The following HPSE2 variants were observed in gnomAD, a reference collection of about 807,000 sequenced individuals.
HPSE2 encodes the protein heparanase 2 (inactive).
Under a neutral mutation model 60.5 loss-of-function variants are expected in HPSE2, and 38 were observed. The ratio of observed to expected loss-of-function variants is 0.63; its 90% confidence interval spans 0.48 to 0.82. The LOEUF (loss-of-function observed/expected upper bound fraction) is 0.82, where lower values mean the gene tolerates loss of function less well. Ranked by LOEUF, HPSE2 falls within the 40% of genes least tolerant of loss-of-function variation. The probability of loss-of-function intolerance (pLI) is 0.00; values close to 1 mark genes in which losing one functional copy is unlikely to be tolerated. For synonymous variants in HPSE2, 295 were observed against 293.2 expected, an observed-to-expected ratio of 1.01 and a Z score of -0.06; for missense variants, 713 against 740.4, an observed-to-expected ratio of 0.96 and a Z score of 0.43.
intron 9 of HPSE2, among the ~76,000 whole-genome samples, chr10:98,584,834 A>G (rs1944896260): frequency 6.6e-6 from 1 of 152,152 alleles, no homozygotes; most frequent in South Asian, 2.1e-4. Flanking sequence ...TTGACAGTGG[A>G]TATTTGTGAA....
At chr10:98,952,838 C>T (rs1420931517) in intron 3 of HPSE2, among the ~76,000 whole-genome samples, 1 of 152,210 alleles carries the variant, frequency 6.6e-6, no homozygotes, top group African/African-American at 2.4e-5. Context: ...GCCACCAATC[C>T]TATTGGAATA....
At chr10:98,971,797 G>C (rs1955960549) in intron 3 of HPSE2, among the ~76,000 whole-genome samples, 1 of 152,008 alleles carries the variant, frequency 6.6e-6, no homozygotes. Context: ...AATTCCCGTG[G>C]GGGCATAAAC....
At chr10:98,548,482 T>C (rs750568165) in intron 9 of HPSE2, among the ~76,000 whole-genome samples, 1 of 152,076 alleles carries the variant, frequency 6.6e-6, no homozygotes. Flanking sequence ...CTGGGCGTAG[T>C]GGTGTGCACT....
intron 8 of HPSE2, among the ~76,000 whole-genome samples, chr10:98,620,126 C>T (rs1946032671): frequency 6.6e-6 from 1 of 152,222 alleles, no homozygotes; most frequent in African/African-American, 2.4e-5. Flanking sequence ...GCACTTCAGA[C>T]AGCGGTAAGC....
chr10:98,629,174 G>A (rs72831950), intron 7 of HPSE2, among the ~76,000 whole-genome samples: 1 of 152,186 alleles, frequency 6.6e-6, no homozygotes, highest in African/African-American at 2.4e-5. Flanking sequence ...CAGGAATAGC[G>A]GACAGGCCAG....
chr10:98,887,293 GA>G (rs1165399616), intron 3 of HPSE2, among the ~76,000 whole-genome samples: 1 of 152,030 alleles, frequency 6.6e-6, no homozygotes, highest in African/African-American at 2.4e-5. Flanking sequence ...CTGCAGTGGG[GA>G]AAAAGATAAT....
intron 6 of HPSE2, among the ~76,000 whole-genome samples, chr10:98,646,622 C>G (rs1309286195): frequency 2.0e-5 from 3 of 152,172 alleles, no homozygotes; most frequent in Non-Finnish European, 4.4e-5. Context: ...CAGGTCATAT[C>G]AAGCATATCT....
intron 9 of HPSE2, among the ~76,000 whole-genome samples, chr10:98,514,667 T>C (rs1942531592): frequency 6.6e-6 from 1 of 151,644 alleles, no homozygotes; most frequent in Admixed American, 6.6e-5. Flanking sequence ...TCACAGCATC[T>C]GGATTTTCTT....
intron 6 of HPSE2, among the ~76,000 whole-genome samples, chr10:98,652,414 C>A (rs1222417134): frequency 1.3e-5 from 2 of 152,122 alleles, no homozygotes; most frequent in Non-Finnish European, 2.9e-5. Context: ...CCACATATAC[C>A]CTTTCAGCCA....
chr10:98,731,855 A>G lies in HPSE2; in HGVS notation c.785-10027T>C, dbSNP rs1247987595. Among the ~76,000 whole-genome samples, 5 of 152,326 alleles carry G rather than the reference A, an allele frequency of 3.3e-5. No homozygotes were observed. In the South Asian group the frequency reaches 1.0e-3, roughly 32 times the overall value. Reference sequence around the variant, plus strand: ...AAAACTGTTATTATTCTCAGACAATATGATCCTACATACAGAAAATCCTAA... The same window carrying G: ...AAAACTGTTATTATTCTCAGACAATGTGATCCTACATACAGAAAATCCTAA... On this transcript the variant is annotated intron_variant, in intron 4 of 11. Transcript: ENST00000370552.
At chr10:99,132,191 A>AAGAG (rs781059893) in intron 3 of HPSE2, among the ~76,000 whole-genome samples, 5 of 71,900 alleles carry the variant, frequency 7.0e-5, no homozygotes, top group African/African-American at 2.6e-4. Flanking sequence ...GAAAGAAAGA[A>AAGAG]AGAGAGAGAG....
chr10:99,190,073 T>C lies in HPSE2; in HGVS notation c.448+42275A>G, dbSNP rs192405894. 2.9e-3 allele frequency among the ~76,000 whole-genome samples: 439 copies of C among 152,362 alleles called. 2 individuals are homozygous for C. Among genetic ancestry groups the C allele is most frequent in the Admixed American group, 5.4e-3 (82 of 15,296 alleles). ...AGTACTGAGTCCTTTCTGTCACAAA[T>C]CACTTTATGGGGCAACCATGTAGTG... On this transcript the variant is annotated intron_variant, in intron 2 of 11. Transcript: ENST00000370552.
At chr10:99,136,836 A>G (rs940670937) in intron 3 of HPSE2, among the ~76,000 whole-genome samples, 6 of 152,196 alleles carry the variant, frequency 3.9e-5, no homozygotes, top group African/African-American at 1.4e-4. Context: ...AGCGAAAGAC[A>G]AGGAAGCCCT....
intron 3 of HPSE2, among the ~76,000 whole-genome samples, chr10:98,852,113 A>ATATATATG (rs779720749): frequency 0.016 from 1,476 of 91,636 alleles, 24 homozygotes; most frequent in African/African-American, 0.052. Context: ...GTATATTATG[A>ATATATATG]TGTGTGTGTG....
At chr10:98,753,869 A>G (rs552266491) in intron 3 of HPSE2, among the ~76,000 whole-genome samples, 34 of 152,346 alleles carry the variant, frequency 2.2e-4, no homozygotes, top group African/African-American at 7.9e-4. Flanking sequence ...AATGACAGTA[A>G]CTTCAAAATT....
intron 6 of HPSE2, among the ~76,000 whole-genome samples, chr10:98,667,457 C>A (rs1331256823): frequency 6.6e-6 from 1 of 152,148 alleles, no homozygotes; most frequent in Non-Finnish European, 1.5e-5. Flanking sequence ...ATACCAAAAT[C>A]TGGCAGAGAC....
chr10:99,148,744 C>T lies in HPSE2; in HGVS notation c.449-4345G>A, dbSNP rs145167057. ...GGCAGAAGCTGCAGTGAGCCAAGATCGCGCCATTGCACTCCAGCCCGGGCA... is the reference window on the plus strand; with the variant it reads ...GGCAGAAGCTGCAGTGAGCCAAGATTGCGCCATTGCACTCCAGCCCGGGCA... On this transcript the variant is annotated intron_variant, in intron 2 of 11. Coordinates refer to ENST00000370552, the MANE Select transcript of HPSE2 (RefSeq NM_021828.5). Among the ~76,000 whole-genome samples the T allele has an allele frequency of 3.3e-4, 50 of 152,154 alleles. 2 individuals carry two copies. The East Asian group carries it at 9.7e-3, about 29-fold the overall frequency.
chr10:98,588,020 C>T (rs576844021), intron 9 of HPSE2, among the ~76,000 whole-genome samples: 3 of 152,308 alleles, frequency 2.0e-5, no homozygotes, highest in African/African-American at 7.2e-5. Context: ...GAATTGAGGA[C>T]ATCCAAGCTT....
intron 8 of HPSE2, among the ~76,000 whole-genome samples, chr10:98,619,375 C>CCAGA (rs1589519052): frequency 6.6e-6 from 1 of 152,194 alleles, no homozygotes; most frequent in African/African-American, 2.4e-5. Context: ...AAGTCATTCT[C>CCAGA]CAGACGACTG....
Sources: allele counts gnomAD v4.1 joint callset (sites outside exome capture counted in the v4.1 genomes callset), GRCh38; gene constraint gnomAD v4.1.1; transcripts MANE v1.5; gene names NCBI Gene and HGNC (gene_info 2026-07-23, HGNC 2026-07-21).